Variants in DSCAM observed in about 807,000 individuals in gnomAD.
DSCAM encodes the protein cell adhesion molecule DSCAM.
DSCAM carries 47 observed loss-of-function variants against 217.7 expected under a neutral mutation model. The observed-to-expected ratio is 0.22, with a 90% CI of 0.17 to 0.28. The LOEUF (loss-of-function observed/expected upper bound fraction) is 0.28, where lower values mean the gene tolerates loss of function less well. DSCAM is among the 10% of genes least tolerant of loss of function. DSCAM has a pLI of 1.00. For missense variants in DSCAM, 2,080 were observed against 2,618.3 expected (o/e 0.79, Z 4.49); for synonymous variants, 1,056 against 1,015.3 (o/e 1.04, Z -0.76).
chr21:40,305,227 T>G (rs1240148564), intron 9 of DSCAM, among the ~76,000 whole-genome samples: 1 of 151,770 alleles, frequency 6.6e-6, no homozygotes, highest in African/African-American at 2.4e-5. Flanking sequence ...TTGTCTCTAC[T>G]AAAAATAAAA....
At chr21:40,282,994 AGTTG>A (rs2123404773) in intron 10 of DSCAM, among the ~76,000 whole-genome samples, 1 of 152,342 alleles carries the variant, frequency 6.6e-6, no homozygotes, top group South Asian at 2.1e-4. Flanking sequence ...AATGAACCTA[AGTTG>A]AAGGGTTATT....
intron 32 of DSCAM, among the ~76,000 whole-genome samples, chr21:40,014,675 C>T (rs974540886): frequency 4.6e-5 from 7 of 152,156 alleles, no homozygotes; most frequent in African/African-American, 1.2e-4. Context: ...TCACAGGTGT[C>T]GGACCTCTGT....
intron 10 of DSCAM, among the ~76,000 whole-genome samples, 156 bp downstream of exon 10, chr21:40,295,899 A>G (rs921560392): frequency 6.6e-6 from 1 of 152,256 alleles, no homozygotes; most frequent in Non-Finnish European, 1.5e-5. Context: ...CTAGGTGGAC[A>G]ACTAGGAATG....
chr21:40,572,218 G>A (rs533106881), intron 3 of DSCAM, among the ~76,000 whole-genome samples: 1 of 151,848 alleles, frequency 6.6e-6, no homozygotes, highest in Non-Finnish European at 1.5e-5. Flanking sequence ...TGAGAGAATA[G>A]AATTATATAA....
chr21:40,830,271 G>T (rs903768809), intron 1 of DSCAM, among the ~76,000 whole-genome samples: 8 of 152,140 alleles, frequency 5.3e-5, no homozygotes, highest in Admixed American at 3.3e-4. Context: ...GAGAGACAGG[G>T]AGTAGGTGGG....
chr21:40,282,160 T>C (rs937527480), intron 10 of DSCAM, among the ~76,000 whole-genome samples: 23 of 152,196 alleles, frequency 1.5e-4, no homozygotes, highest in Non-Finnish European at 2.2e-4. Flanking sequence ...CTTAAATTTG[T>C]AACACACTTT....
At chr21:40,089,409 G>A (rs978446251) in intron 21 of DSCAM, among the ~76,000 whole-genome samples, 1 of 152,118 alleles carries the variant, frequency 6.6e-6, no homozygotes, top group African/African-American at 2.4e-5. Flanking sequence ...CTGCAACCTG[G>A]TGTCCCCTCT....
chr21:40,353,419 A>G, intron 5 of DSCAM, 46 bp downstream of exon 5: 2 of 1,582,906 alleles, frequency 1.3e-6, no homozygotes, highest in Non-Finnish European at 1.7e-6. Flanking sequence ...CAGGAGCTCC[A>G]TCGATGGAAG....
At chr21:40,140,622 T>C (rs1057498559) in intron 18 of DSCAM, among the ~76,000 whole-genome samples, 4 of 152,222 alleles carry the variant, frequency 2.6e-5, no homozygotes, top group African/African-American at 9.6e-5. Context: ...AAGAAACATA[T>C]GTAATGATAT....
intron 3 of DSCAM, among the ~76,000 whole-genome samples, chr21:40,493,170 CT>C (rs2076089888): frequency 6.6e-6 from 1 of 152,172 alleles, no homozygotes; most frequent in African/African-American, 2.4e-5. Flanking sequence ...AATCTCTATA[CT>C]TTTACTCTTG....
At chr21:40,613,498 CAA>C (rs1170274422) in intron 3 of DSCAM, among the ~76,000 whole-genome samples, 3 of 152,054 alleles carry the variant, frequency 2.0e-5, no homozygotes, top group Non-Finnish European at 4.4e-5. Context: ...CAAAATTAAA[CAA>C]GAGATTTCTC....
intron 11 of DSCAM, among the ~76,000 whole-genome samples, chr21:40,214,995 G>A (rs904946679): frequency 2.0e-5 from 2 of 101,194 alleles, no homozygotes; most frequent in African/African-American, 6.4e-5. Context: ...CGAGGCGGGT[G>A]GATCACGAGG....
In DSCAM at chr21:40,381,062, C is replaced by CAAAAAA. The variant is rs71186932; in HGVS notation, c.509-11823_509-11818dup. 7.3e-4 allele frequency among the ~76,000 whole-genome samples: 48 copies of CAAAAAA among 66,198 alleles called. No homozygotes were observed. The East Asian group carries it at 9.5e-3, about 13-fold the overall frequency. 43.4% of individuals were successfully genotyped at this position (66,198 alleles called of 152,430 possible). A position where few individuals can be genotyped will look rare whatever the true frequency, so the allele number is the denominator to read the frequency against. On this transcript the variant is annotated intron_variant, in intron 3 of 32. Coordinates refer to ENST00000400454, the MANE Select transcript of DSCAM (RefSeq NM_001389.5). ...TGGGCGACAGAGCGAGACTCCGTCTCAAAAAAAAAAAAAAAAAAAAAAGAA... is the reference window on the plus strand; with the variant it reads ...TGGGCGACAGAGCGAGACTCCGTCTCAAAAAAAAAAAAAAAAAAAAAAAAAAAAGAA...
intron 3 of DSCAM, among the ~76,000 whole-genome samples, chr21:40,464,851 T>G (rs968403805): frequency 2.0e-5 from 3 of 151,868 alleles, no homozygotes; most frequent in African/African-American, 2.4e-5. Context: ...TGCAATTCTC[T>G]GTCCTCAGCC....
chr21:40,483,513 A>G (rs1463264911), intron 3 of DSCAM, among the ~76,000 whole-genome samples: 1 of 152,218 alleles, frequency 6.6e-6, no homozygotes, highest in African/African-American at 2.4e-5. Context: ...TCCTAACAAT[A>G]TTATTGTGAG....
At chr21:40,167,360 G>A in intron 15 of DSCAM, 72 bp from the exon 16 acceptor site, 2 of 1,390,830 alleles carry the variant, frequency 1.4e-6, no homozygotes, top group Admixed American at 1.7e-5. Context: ...CACAGCCAAA[G>A]GTGGTCCCCG....
At chr21:40,292,703 T>A (rs1459052856) in intron 10 of DSCAM, among the ~76,000 whole-genome samples, 1 of 152,116 alleles carries the variant, frequency 6.6e-6, no homozygotes, top group African/African-American at 2.4e-5. Context: ...TATACAAAGA[T>A]AAATGTGACA....
At chr21:40,200,266 C>T (rs1384102912) in intron 11 of DSCAM, among the ~76,000 whole-genome samples, 3 of 152,150 alleles carry the variant, frequency 2.0e-5, no homozygotes, top group African/African-American at 7.2e-5. Flanking sequence ...TTCTTCCCAA[C>T]CTGAAACTTG....
At chr21:40,597,663 C>T (rs1450577550) in intron 3 of DSCAM, among the ~76,000 whole-genome samples, 5 of 151,872 alleles carry the variant, frequency 3.3e-5, no homozygotes, top group African/African-American at 7.3e-5. Flanking sequence ...CCCACCACCA[C>T]GCCCAGCTAA....
Sources: allele counts gnomAD v4.1 joint callset (sites outside exome capture counted in the v4.1 genomes callset), GRCh38; gene constraint gnomAD v4.1.1; transcripts MANE v1.5; gene names NCBI Gene and HGNC (gene_info 2026-07-23, HGNC 2026-07-21).